IFI44: variants seen among roughly 807,000 people sequenced by gnomAD.
The protein encoded by IFI44 is interferon-induced protein 44.
In IFI44, 42 loss-of-function variants were observed where a neutral mutation model predicts 45.0. The ratio of observed to expected loss-of-function variants is 0.93; its 90% CI spans 0.73 to 1.21. The LOEUF is 1.21. IFI44 is among the 50% of genes most tolerant of loss of function. The pLI is 0.00. For missense variants in IFI44, 623 were observed against 525.8 expected (o/e 1.18, Z -1.81); for synonymous variants, 221 against 188.6 (o/e 1.17, Z -1.41).
chr1:78,654,706 T>A (rs1047171076), intron 3 of IFI44, among the ~76,000 whole-genome samples: 1 of 151,942 alleles, frequency 6.6e-6, no homozygotes, highest in African/African-American at 2.4e-5. Flanking sequence ...ACAATATATA[T>A]GACTTCTGAA....
At position 78,650,360 on chromosome 1, in the gene IFI44, T is replaced by C. The variant is rs1647102304; in HGVS notation, c.165T>C (p.Tyr55=). ...CNQGPTLTVI[Y]SEDHIIGAYA... ...AAGGGCCTACTCTAACAGTGATTTA[T>C]AGTGAAGATCATATTATTGGAGCAT... Residue 55 remains tyrosine (Y), a synonymous_variant, in exon 2 of 9, where the codon TAT becomes TAC. Coordinates refer to ENST00000370747, the MANE Select transcript of IFI44 (RefSeq NM_006417.5). The C allele has an allele frequency of 2.5e-6, 4 of 1,614,114 alleles. No individual in the cohort carries two copies. The highest frequency in any genetic ancestry group is 3.4e-6 in the Non-Finnish European group (4 of 1,179,978).
In IFI44 at chr1:78,662,860, T is replaced by G. The variant is rs145188212; in HGVS notation, c.1270T>G (p.Leu424Val). 21 of 1,605,778 alleles carry G rather than the reference T, an allele frequency of 1.3e-5. No individual in the cohort carries two copies. The African/African-American group carries it at 2.7e-4, about 20-fold the overall frequency. Reference sequence around the variant, plus strand: ...GGCTGCAGATGACTTCTTAGAGGATTTGCCTTTTGAGCAAATAGGTAGATG... The same window carrying G: ...GGCTGCAGATGACTTCTTAGAGGATGTGCCTTTTGAGCAAATAGGTAGATG... Reference protein sequence around the residue: ...LWAADDFLEDLPFEQIGNLRE... With the variant: ...LWAADDFLEDVPFEQIGNLRE... The change falls in exon 8 of 9, where the codon TTG becomes GTG. Residue 424 changes from leucine to valine, a missense_variant. Transcript: ENST00000370747.
intron 7 of IFI44, 132 bp downstream of exon 7, chr1:78,660,786 G>A (rs917284861): frequency 1.8e-5 from 13 of 703,418 alleles, no homozygotes; most frequent in African/African-American, 1.1e-4. Flanking sequence ...AATAGGGCCC[G>A]TTTCCCAAGA....
At chr1:78,652,169 C>T (rs1647134855) in intron 2 of IFI44, among the ~76,000 whole-genome samples, 1 of 152,120 alleles carries the variant, frequency 6.6e-6, no homozygotes, top group Admixed American at 6.6e-5. Context: ...GCAACTTCCG[C>T]CCCGCGGGAT....
At chr1:78,660,086 A>G (rs1244286130) in intron 6 of IFI44, among the ~76,000 whole-genome samples, 1 of 152,212 alleles carries the variant, frequency 6.6e-6, no homozygotes, top group Non-Finnish European at 1.5e-5. Flanking sequence ...AAAACTTTGC[A>G]AAGAGGAGAT....
At chr1:78,649,961 C>T in intron 1 of IFI44, 56 bp downstream of exon 1, 1 of 383,876 alleles carries the variant, frequency 2.6e-6, no homozygotes, top group South Asian at 4.7e-5. Flanking sequence ...CTCTCTGTCT[C>T]TCTCAGGTGA....
At chr1:78,662,510 A>G (rs1282569893) in intron 7 of IFI44, 194 bp from the exon 8 acceptor site, 4 of 553,558 alleles carry the variant, frequency 7.2e-6, no homozygotes, top group Non-Finnish European at 1.3e-5. Flanking sequence ...TGTATTCCAA[A>G]TTACAATTAT....
At chr1:78,659,115 G>A (rs1647309082) in intron 5 of IFI44, among the ~76,000 whole-genome samples, 197 bp from the exon 6 acceptor site, 1 of 151,946 alleles carries the variant, frequency 6.6e-6, no homozygotes, top group Non-Finnish European at 1.5e-5. Context: ...TCCTCACAGA[G>A]GCCTTACTTG....
chr1:78,653,175 G>T (rs1178733010), intron 2 of IFI44, among the ~76,000 whole-genome samples: 1 of 151,564 alleles, frequency 6.6e-6, no homozygotes, highest in Non-Finnish European at 1.5e-5. Flanking sequence ...TGTGTGGTTT[G>T]TTTCTTTATT....
At chr1:78,657,846 C>G (rs747451087) in intron 5 of IFI44, among the ~76,000 whole-genome samples, 3 of 152,106 alleles carry the variant, frequency 2.0e-5, no homozygotes, top group Non-Finnish European at 4.4e-5. Flanking sequence ...TTTCTCCATA[C>G]TGATGTAAAA....
intron 8 of IFI44, 34 bp downstream of exon 8, chr1:78,662,912 G>A (rs758461607): frequency 1.6e-5 from 26 of 1,612,540 alleles, no homozygotes; most frequent in African/African-American, 8.0e-5. Context: ...GCTTGGAAGC[G>A]GTCAGGTAGT....
Position 78,663,912 on chromosome 1 carries a change from G to A in IFI44, c.*101G>A, listed in dbSNP as rs1287139673. 1.9e-6 allele frequency: 2 copies of A among 1,066,268 alleles called. No individual in the cohort carries two copies. The highest frequency in any genetic ancestry group is 2.7e-6 in the Non-Finnish European group (2 of 743,308). 66.1% of individuals were successfully genotyped at this position (1,066,268 alleles called of 1,614,324 possible). On this transcript the variant is annotated 3_prime_UTR_variant, in exon 9 of 9. Coordinates refer to ENST00000370747, the MANE Select transcript of IFI44 (RefSeq NM_006417.5). ...GAGAAGTATCTAAGACCAAAGGGAT[G>A]TGTTTTATTAATGTCTAGGATGAAG...
At chr1:78,658,361 C>T (rs1465515667) in intron 5 of IFI44, among the ~76,000 whole-genome samples, 1 of 152,042 alleles carries the variant, frequency 6.6e-6, no homozygotes, top group African/African-American at 2.4e-5. Context: ...ACAATCAAAA[C>T]TGGAAACAAT....
Position 78,663,807 on chromosome 1 carries a change from A to G in IFI44, c.1331A>G (p.Lys444Arg). The change falls in exon 9 of 9, where the codon AAA becomes AGA. Residue 444 changes from lysine to arginine, a missense_variant. Lys to Arg is a conservative substitution (Grantham distance 26). Coordinates refer to ENST00000370747, the MANE Select transcript of IFI44 (RefSeq NM_006417.5). ...EEIINCAQGK[K>R] Reference sequence around the variant, plus strand: ...ATTATCAACTGTGCACAAGGAAAAAAATAGATATGTGAAAGGTTCACGTAA... The same window carrying G: ...ATTATCAACTGTGCACAAGGAAAAAGATAGATATGTGAAAGGTTCACGTAA... 1 of 1,612,182 alleles carries G rather than the reference A, an allele frequency of 6.2e-7. No individual in the cohort carries two copies. Among genetic ancestry groups the G allele is most frequent in the East Asian group, 2.2e-5 (1 of 44,772 alleles).
rs958940331 is a variant in IFI44, at chr1:78,654,917, AAAT to A, written c.495-92_495-90del. On this transcript the variant is annotated intron_variant, in intron 3 of 8. Coordinates refer to ENST00000370747, the MANE Select transcript of IFI44 (RefSeq NM_006417.5). ...TGTAAGAAGTCAAGTTGCTAATCAA[AAAT>A]AATATCTATGAAAAAATGAATTCTC... 4.9e-5 allele frequency: 48 copies of A among 979,246 alleles called. No homozygotes were observed. In the African/African-American group the frequency reaches 7.5e-4, roughly 15 times the overall value. The allele number at this position is 979,246 out of a possible 1,614,324, so 60.7% of individuals were successfully genotyped here.
At chr1:78,660,771 A>T in intron 7 of IFI44, 117 bp downstream of exon 7, 1 of 745,824 alleles carries the variant, frequency 1.3e-6, no homozygotes, top group Non-Finnish European at 2.4e-6. Flanking sequence ...TTACAAAATT[A>T]CTTAAATAGG....
chr1:78,650,250 T>C lies in IFI44; in HGVS notation c.55T>C (p.Phe19Leu), dbSNP rs763292542. ...WLHEKILQNH[F>L]GGKRLSLLYK... is the part of the protein sequence containing the mutation. ...GCACGAAAAGATCCTGCAAAATCAT[T>C]TTGGAGGGAAGCGGCTTAGCCTTCT... Residue 19 changes from phenylalanine to leucine, a missense_variant, in exon 2 of 9, where the codon TTT becomes CTT. Coordinates refer to ENST00000370747, the MANE Select transcript of IFI44 (RefSeq NM_006417.5). The C allele has an allele frequency of 8.1e-6, 13 of 1,610,688 alleles. No individual in the cohort carries two copies. Among genetic ancestry groups the C allele is most frequent in the Admixed American group, 5.0e-5 (3 of 59,930 alleles).
Position 78,650,232 on chromosome 1 carries a change from A to G in IFI44, c.37A>G (p.Lys13Glu). ...AACTCGTTTGACATGGTTGCACGAA[A>G]AGATCCTGCAAAATCATTTTGGAGG... ...VTTRLTWLHE[K>E]ILQNHFGGKR... is the part of the protein sequence containing the mutation. The change falls in exon 2 of 9, where the codon AAG (lysine) becomes GAG (glutamate). Residue 13 changes from lysine (K) to glutamate (E), a missense_variant. Coordinates refer to ENST00000370747, the MANE Select transcript of IFI44 (RefSeq NM_006417.5). The G allele has an allele frequency of 5.0e-6, 8 of 1,607,682 alleles. No individual in the cohort carries two copies. Among genetic ancestry groups the G allele is most frequent in the Non-Finnish European group, 6.0e-6 (7 of 1,174,572 alleles).
rs755622651 is a variant in IFI44 at position 78,655,058 on chromosome 1, A to G, written c.539A>G (p.Tyr180Cys). 6.1e-5 allele frequency: 98 copies of G among 1,613,774 alleles called. No individual in the cohort carries two copies. Among genetic ancestry groups the G allele is most frequent in the Non-Finnish European group, 7.2e-5 (85 of 1,179,844 alleles). The part of the protein sequence containing the change: ...LLSALRTYEP[Y>C]GSLVQQIRIL... ...TCTGCCTTGAGAACTTATGAACCAT[A>G]TGGATCCCTGGTTCAACAAATACGA... The change falls in exon 4 of 9, where the codon TAT (tyrosine) becomes TGT (cysteine). Residue 180 changes from tyrosine (Y) to cysteine (C), a missense_variant. Transcript: ENST00000370747.
Sources: gnomAD v4.1 joint callset for allele counts (sites outside exome capture counted in the v4.1 genomes callset) on GRCh38, gnomAD v4.1.1 for gene constraint, MANE v1.5 for transcripts, NCBI Gene and HGNC (gene_info 2026-07-23, HGNC 2026-07-21) for gene names.